Variants in AGAP3 observed in about 807,000 individuals in gnomAD.
AGAP3 encodes ArfGAP with GTPase domain, ankyrin repeat and PH domain 3.
AGAP3 carries 24 observed loss-of-function variants against 96.9 expected under a neutral mutation model. The observed-to-expected ratio is 0.25, with a 90% CI of 0.18 to 0.35. AGAP3 has a LOEUF of 0.35. Among genes scored for constraint, AGAP3 ranks in the 10% least tolerant of loss-of-function variants. The pLI is 1.00. For missense variants in AGAP3, 876 were observed against 1,254.2 expected (o/e 0.70, Z 4.55); for synonymous variants, 563 against 536.1 (o/e 1.05, Z -0.69).
intron 1 of AGAP3, among the ~76,000 whole-genome samples, chr7:151,101,831 CG>C (rs1346519826): frequency 3.9e-5 from 6 of 152,240 alleles, no homozygotes; most frequent in Admixed American, 3.9e-4. Context: ...CCCCAGGCCT[CG>C]GGGTGAGAGA....
intron 1 of AGAP3, chr7:151,115,237 T>C: frequency 3.0e-6 from 3 of 1,002,436 alleles, no homozygotes; most frequent in Non-Finnish European, 3.6e-6. Flanking sequence ...GCGGGCTTCC[T>C]GCGCGGCGCG....
chr7:151,118,485 G>C lies in AGAP3; in HGVS notation c.842-20G>C. On this transcript the variant is annotated intron_variant, in intron 6 of 17. Coordinates refer to ENST00000397238, the MANE Select transcript of AGAP3 (RefSeq NM_031946.7). The surrounding 1 kb of genome is among the most constrained non-coding windows in gnomAD (Gnocchi z 6.1). ...TCCCTTCTCTCCAGTGGGTATAATT[G>C]ACTCTGCTGTCCCCTGCAGTGGCCC... The C allele has an allele frequency of 6.2e-7, 1 of 1,613,752 alleles. No homozygotes were observed. The highest frequency in any genetic ancestry group is 1.1e-5 in the South Asian group (1 of 91,062).
intron 8 of AGAP3, chr7:151,122,901 CAGAGACCCACGGGAACCT>C: frequency 1.3e-6 from 2 of 1,513,194 alleles, no homozygotes; most frequent in Non-Finnish European, 1.8e-6. Context: ...CTCCCCACTC[CAGAGACCCACGGGAACCT>C]TTGTAACTAA....
In AGAP3 at chr7:151,118,987, C is replaced by T. The variant is rs1799733124; in HGVS notation, c.969+355C>T. On this transcript the variant is annotated intron_variant, in intron 7 of 17. Coordinates refer to ENST00000397238, the MANE Select transcript of AGAP3 (RefSeq NM_031946.7). The surrounding 1 kb of genome is among the most constrained non-coding windows in gnomAD (Gnocchi z 6.1). Reference sequence around the variant, plus strand: ...ACTGCACTTTACCTCTGCCAATGACCGTCATCTCTCCAAGGCCTGCCCTGG... The same window carrying T: ...ACTGCACTTTACCTCTGCCAATGACTGTCATCTCTCCAAGGCCTGCCCTGG... Among the ~76,000 whole-genome samples, 1 of 152,228 alleles carries T rather than the reference C, an allele frequency of 6.6e-6. No homozygotes were observed. The highest frequency in any genetic ancestry group is 1.5e-5 in the Non-Finnish European group (1 of 68,046).
chr7:151,104,011 C>T (rs1311953764), intron 1 of AGAP3, among the ~76,000 whole-genome samples: 5 of 152,020 alleles, frequency 3.3e-5, no homozygotes, highest in South Asian at 2.1e-4. Context: ...GTGGCGGGGG[C>T]GTGAGGACTG....
chr7:151,087,324 G>T (rs1798199301), intron 1 of AGAP3: 4 of 526,580 alleles, frequency 7.6e-6, no homozygotes, highest in Admixed American at 3.2e-5. Flanking sequence ...TGTCGCTTGG[G>T]GGGGCCGGGA....
intron 10 of AGAP3, 94 bp from the exon 11 acceptor site, chr7:151,134,305 TC>T: frequency 7.1e-7 from 1 of 1,412,798 alleles, no homozygotes. Context: ...TTCCCTCTCC[TC>T]CCACAGCAGG....
intron 1 of AGAP3, among the ~76,000 whole-genome samples, chr7:151,109,340 C>T (rs561672622): frequency 6.6e-5 from 10 of 152,262 alleles, no homozygotes; most frequent in Admixed American, 5.9e-4. Context: ...GAGGGAGACC[C>T]TGTCTCAAAA....
chr7:151,098,774 C>T (rs1221356051), intron 1 of AGAP3, among the ~76,000 whole-genome samples: 1 of 148,520 alleles, frequency 6.7e-6, no homozygotes, highest in African/African-American at 2.5e-5. Flanking sequence ...GCTGTGTCAC[C>T]CAGGCTGGAG....
rs1800467427 is a variant in AGAP3, at chr7:151,133,274, CAG to C, written c.1327-1125_1327-1124del. Reference sequence around the variant, plus strand: ...TTGCCGTGGAGCTCAGGGACAGTGACAGGGACAGGGAAGCAGGAGGCAACAGG... The same window carrying C: ...TTGCCGTGGAGCTCAGGGACAGTGACGGACAGGGAAGCAGGAGGCAACAGG... On this transcript the variant is annotated intron_variant, in intron 10 of 17. Transcript: ENST00000397238. The surrounding 1 kb of genome is among the most constrained non-coding windows in gnomAD (Gnocchi z 5.4). Among the ~76,000 whole-genome samples the C allele has an allele frequency of 6.6e-6, 1 of 152,174 alleles. No individual in the cohort carries two copies. The highest frequency in any genetic ancestry group is 1.5e-5 in the Non-Finnish European group (1 of 68,032).
Position 151,096,775 on chromosome 7 carries a change from A to ATTTTC in AGAP3, c.331+9717_331+9721dup, listed in dbSNP as rs1290573709. On this transcript the variant is annotated intron_variant, in intron 1 of 17. Transcript: ENST00000397238. This position sits in a 1 kb window ranked among gnomAD's most constrained non-coding sequence, Gnocchi z 4.4. Reference sequence around the variant, plus strand: ...GCATGAGCCACTGCGCCTGGCCTAAATTTTCTTTTCTTTTCTTTAACGAGA... The same window carrying ATTTTC: ...GCATGAGCCACTGCGCCTGGCCTAAATTTTCTTTTCTTTTCTTTTCTTTAACGAGA... Among the ~76,000 whole-genome samples, 2 of 140,476 alleles carry ATTTTC rather than the reference A, an allele frequency of 1.4e-5. No individual in the cohort carries two copies. Among genetic ancestry groups the ATTTTC allele is most frequent in the African/African-American group, 2.7e-5 (1 of 37,266 alleles). The allele number at this position is 140,476 out of a possible 152,430, so 92.2% of individuals were successfully genotyped here.
At chr7:151,138,369 A>T in intron 12 of AGAP3, 56 bp downstream of exon 12, 1 of 1,535,838 alleles carries the variant, frequency 6.5e-7, no homozygotes, top group Non-Finnish European at 8.8e-7. Context: ...GACAGAGAGG[A>T]GGGGAACTGG....
At chr7:151,122,580 C>A in intron 8 of AGAP3, 5 of 898,900 alleles carry the variant, frequency 5.6e-6, no homozygotes, top group Non-Finnish European at 8.4e-6. Flanking sequence ...TCCTCTTCCT[C>A]GTCCTTCTCC....
At chr7:151,087,528 G>A (rs1461927709) in intron 1 of AGAP3, among the ~76,000 whole-genome samples, 1 of 152,074 alleles carries the variant, frequency 6.6e-6, no homozygotes, top group Admixed American at 6.5e-5. Flanking sequence ...GGAGGGTGGC[G>A]CTCGCCGCGG....
chr7:151,137,473 C>T (rs1412937848), intron 11 of AGAP3, among the ~76,000 whole-genome samples: 1 of 152,178 alleles, frequency 6.6e-6, no homozygotes, highest in Non-Finnish European at 1.5e-5. Context: ...TGAGGCCCCA[C>T]GGCTGTTCCC....
chr7:151,115,537 G>A (rs1799528041), intron 1 of AGAP3: 2 of 1,083,488 alleles, frequency 1.8e-6, no homozygotes, highest in East Asian at 1.2e-4. Context: ...GCCGGCCTCT[G>A]GAGGCTGCTC....
rs530435960 is a variant in AGAP3, at chr7:151,087,774, C to G, written c.331+702C>G. Among the ~76,000 whole-genome samples, 9 of 152,392 alleles carry G rather than the reference C, an allele frequency of 5.9e-5. No homozygotes were observed. The East Asian group carries it at 1.7e-3, about 29-fold the overall frequency. ...GCACCCGGAGTCGGGGACCGGAAACCCCCGGCCACTGCGCTGCCTAGCGCT... is the reference window on the plus strand; with the variant it reads ...GCACCCGGAGTCGGGGACCGGAAACGCCCGGCCACTGCGCTGCCTAGCGCT... On this transcript the variant is annotated intron_variant, in intron 1 of 17. Coordinates refer to ENST00000397238, the MANE Select transcript of AGAP3 (RefSeq NM_031946.7).
At chr7:151,115,805 C>A (rs1442007630) in intron 1 of AGAP3, among the ~76,000 whole-genome samples, 1 of 152,138 alleles carries the variant, frequency 6.6e-6, no homozygotes, top group Non-Finnish European at 1.5e-5. Context: ...CGGCAGTGGC[C>A]GAGGAGGACA....
intron 11 of AGAP3, among the ~76,000 whole-genome samples, chr7:151,135,023 T>G (rs149829430): frequency 5.3e-5 from 8 of 152,270 alleles, no homozygotes; most frequent in East Asian, 1.9e-4. Flanking sequence ...CAGAGAGGAC[T>G]GAATTTAGAC....
Sources: gnomAD v4.1 joint callset for allele counts (sites outside exome capture counted in the v4.1 genomes callset) on GRCh38, gnomAD v4.1.1 for gene constraint, Gnocchi (gnomAD v3.1) non-coding constraint, MANE v1.5 for transcripts, NCBI Gene and HGNC (gene_info 2026-07-23, HGNC 2026-07-21) for gene names.